Variants in MUSK observed in about 807,000 individuals in gnomAD.
The protein encoded by MUSK is muscle associated receptor tyrosine kinase.
MUSK carries 55 observed loss-of-function variants against 88.7 expected under a neutral mutation model. The observed-to-expected ratio is 0.62, with a 90% CI of 0.50 to 0.78. The LOEUF is 0.78. MUSK is among the 30% of genes least tolerant of loss of function. MUSK has a pLI of 0.00. For missense variants in MUSK, 1,015 were observed against 1,074.3 expected (o/e 0.94, Z 0.77); for synonymous variants, 387 against 391.9 (o/e 0.99, Z 0.15).
chr9:110,787,380 AAAG>A (rs1324935925), intron 13 of MUSK, among the ~76,000 whole-genome samples: 2 of 151,146 alleles, frequency 1.3e-5, no homozygotes, highest in Non-Finnish European at 3.0e-5. Flanking sequence ...AAAAAAAAAA[AAAG>A]GTTAGGATGG....
At chr9:110,764,443 C>T (rs1588008931) in intron 8 of MUSK, among the ~76,000 whole-genome samples, 2 of 152,126 alleles carry the variant, frequency 1.3e-5, no homozygotes, top group African/African-American at 2.4e-5. Flanking sequence ...CAGTTGGCCT[C>T]TGTGTCTTGC....
chr9:110,692,586 C>T (rs941517858), intron 3 of MUSK, among the ~76,000 whole-genome samples: 7 of 151,764 alleles, frequency 4.6e-5, no homozygotes, highest in Non-Finnish European at 8.8e-5. Flanking sequence ...ATATTTTCTG[C>T]ATGTCTTAAT....
chr9:110,688,393 A>G (rs558377904), intron 3 of MUSK, among the ~76,000 whole-genome samples: 20 of 151,894 alleles, frequency 1.3e-4, no homozygotes, highest in Non-Finnish European at 2.8e-4. Flanking sequence ...TTTAATCTCT[A>G]TGTACACACG....
chr9:110,799,826 G>A (rs1024339776), intron 14 of MUSK, among the ~76,000 whole-genome samples: 2 of 152,188 alleles, frequency 1.3e-5, no homozygotes, highest in African/African-American at 2.4e-5. Flanking sequence ...GAAGGATCAG[G>A]AGCTGAGGCA....
At chr9:110,785,157 C>A in intron 12 of MUSK, 141 bp downstream of exon 12, 2 of 751,724 alleles carry the variant, frequency 2.7e-6, no homozygotes, top group East Asian at 5.2e-5. Flanking sequence ...TTAAGCACCC[C>A]CATCATGATC....
intron 5 of MUSK, among the ~76,000 whole-genome samples, chr9:110,721,311 C>T (rs1276553507): frequency 6.6e-6 from 1 of 152,074 alleles, no homozygotes; most frequent in African/African-American, 2.4e-5. Flanking sequence ...TCACTGTTTG[C>T]TGATGATATA....
intron 11 of MUSK, 49 bp from the exon 12 acceptor site, chr9:110,784,766 G>C (rs2077824582): frequency 1.4e-6 from 2 of 1,434,868 alleles, no homozygotes; most frequent in Admixed American, 2.1e-5. Flanking sequence ...ACAAAAAATT[G>C]CTTCTTAAAG....
intron 7 of MUSK, among the ~76,000 whole-genome samples, chr9:110,760,069 T>C (rs1363222939): frequency 6.6e-6 from 1 of 152,112 alleles, no homozygotes; most frequent in Non-Finnish European, 1.5e-5. Flanking sequence ...TAACAGACAC[T>C]GGCGAGGTTG....
intron 5 of MUSK, among the ~76,000 whole-genome samples, chr9:110,729,905 T>C (rs980096633): frequency 2.6e-5 from 4 of 152,062 alleles, no homozygotes; most frequent in Non-Finnish European, 4.4e-5. Flanking sequence ...TTGGGCTTTT[T>C]ATTACACTCC....
At chr9:110,749,148 T>C (rs1466222744) in intron 7 of MUSK, among the ~76,000 whole-genome samples, 1 of 152,242 alleles carries the variant, frequency 6.6e-6, no homozygotes, top group African/African-American at 2.4e-5. Context: ...TATCAAATAC[T>C]CTAGATGACG....
Position 110,785,583 on chromosome 9 carries a change from TTCA to T in MUSK, c.1646_1648del (p.His549del). ...CCTTCTGAGCTCTTACTAGATAGACTTCATCCCAACCCCATGTACCAGAGGATG... is the reference window on the plus strand; with the variant it reads ...CCTTCTGAGCTCTTACTAGATAGACTTCCCAACCCCATGTACCAGAGGATG... On this transcript the variant is annotated inframe_deletion, in exon 13 of 15. Transcript: ENST00000374448. 1.9e-6 allele frequency: 3 copies of T among 1,613,366 alleles called. No individual in the cohort carries two copies. Among genetic ancestry groups the T allele is most frequent in the Non-Finnish European group, 2.5e-6 (3 of 1,179,572 alleles).
At chr9:110,735,947 TC>T (rs1371655476) in intron 6 of MUSK, among the ~76,000 whole-genome samples, 1 of 151,944 alleles carries the variant, frequency 6.6e-6, no homozygotes, top group Admixed American at 6.6e-5. Context: ...GAGACTTCTG[TC>T]CCCATGATCC....
intron 14 of MUSK, among the ~76,000 whole-genome samples, chr9:110,799,466 A>G (rs920808275): frequency 3.3e-5 from 5 of 152,232 alleles, no homozygotes; most frequent in Non-Finnish European, 7.3e-5. Context: ...GTTTTACTGC[A>G]GCAACTTAAA....
At chr9:110,765,194 AC>A (rs1325562421) in intron 8 of MUSK, among the ~76,000 whole-genome samples, 1 of 152,204 alleles carries the variant, frequency 6.6e-6, no homozygotes, top group African/African-American at 2.4e-5. Flanking sequence ...TTAACACATG[AC>A]AGCAAAACCT....
chr9:110,772,667 A>C (rs1475128655), intron 9 of MUSK, among the ~76,000 whole-genome samples: 1 of 152,084 alleles, frequency 6.6e-6, no homozygotes, highest in African/African-American at 2.4e-5. Context: ...AATGAGTATT[A>C]GCTATTTGGT....
intron 14 of MUSK, among the ~76,000 whole-genome samples, chr9:110,788,708 A>AG (rs1259053239): frequency 4.0e-5 from 6 of 151,724 alleles, no homozygotes; most frequent in Admixed American, 6.6e-5. Context: ...GATAATAAAA[A>AG]AAAAACAAAA....
Position 110,681,071 on chromosome 9 carries a change from T to TATATAATAA in MUSK, c.80-1603_80-1602insATATAATAA, listed in dbSNP as rs1491498779. Among the ~76,000 whole-genome samples the TATATAATAA allele has an allele frequency of 3.3e-4, 10 of 30,302 alleles. 2 individuals are homozygous for TATATAATAA. The highest frequency in any genetic ancestry group is 2.3e-3 in the African/African-American group (10 of 4,424). The allele number at this position is 30,302 out of a possible 152,430, so 19.9% of individuals were successfully genotyped here. ...TATATTATATATTATATATATAATA[T>TATATAATAA]TATATATATTATATAATATATATTA... is the stretch of plus-strand genomic sequence containing the variant. On this transcript the variant is annotated intron_variant, in intron 1 of 14. Transcript: ENST00000374448.
At chr9:110,749,587 A>G (rs1013862784) in intron 7 of MUSK, among the ~76,000 whole-genome samples, 2 of 152,202 alleles carry the variant, frequency 1.3e-5, no homozygotes, top group African/African-American at 4.8e-5. Flanking sequence ...TAGAAGAAAT[A>G]AGTGCAATAG....
chr9:110,781,574 C>A (rs186928232), intron 11 of MUSK, among the ~76,000 whole-genome samples: 2 of 152,324 alleles, frequency 1.3e-5, no homozygotes, highest in Admixed American at 1.3e-4. Flanking sequence ...CTGCTCCCAG[C>A]CCACACCTTT....
Sources: gnomAD v4.1 joint callset for allele counts (sites outside exome capture counted in the v4.1 genomes callset) on GRCh38, gnomAD v4.1.1 for gene constraint, MANE v1.5 for transcripts, NCBI Gene and HGNC (gene_info 2026-07-23, HGNC 2026-07-21) for gene names.